JMJD1C: variants seen among roughly 807,000 people sequenced by gnomAD.
JMJD1C encodes jumonji domain-containing protein 1C.
JMJD1C carries 31 observed loss-of-function variants against 245.3 expected under a neutral mutation model. The ratio of observed to expected loss-of-function variants is 0.13; its 90% confidence interval spans 0.09 to 0.17. The LOEUF (loss-of-function observed/expected upper bound fraction) is 0.17, where lower values mean the gene tolerates loss of function less well. JMJD1C is among the 10% of genes least tolerant of loss of function. The pLI is 1.00. For synonymous variants in JMJD1C, 1,057 were observed against 1,017.4 expected (o/e 1.04, Z -0.74); for missense variants, 2,691 against 3,000.2 (o/e 0.90, Z 2.41).
chr10:63,314,867 CA>C, intron 2 of JMJD1C, among the ~76,000 whole-genome samples: 1 of 151,376 alleles, frequency 6.6e-6, no homozygotes. Context: ...AGGCTGGTCT[CA>C]AATGTCTGAC....
At chr10:63,489,097 C>T (rs1025378555) in intron 1 of JMJD1C, among the ~76,000 whole-genome samples, 3 of 152,068 alleles carry the variant, frequency 2.0e-5, no homozygotes, top group African/African-American at 7.2e-5. Context: ...TGTTGCTAGT[C>T]ATTTAAAAAG....
rs190797987 is a variant in JMJD1C, at chr10:63,448,840, G to A, written c.168+16655C>T. 9.2e-5 allele frequency among the ~76,000 whole-genome samples: 14 copies of A among 152,242 alleles called. No homozygotes were observed. In the East Asian group the frequency reaches 9.6e-4, roughly 10 times the overall value. On this transcript the variant is annotated intron_variant, in intron 1 of 25. Transcript: ENST00000399262. ...AGTGTTTAAGATACTTCAGGAGGTC[G>A]GGCGCGGTGGCTCACACCTGTAATC...
At chr10:63,226,585 C>T (rs997451589) in intron 3 of JMJD1C, among the ~76,000 whole-genome samples, 2 of 151,336 alleles carry the variant, frequency 1.3e-5, no homozygotes, top group Non-Finnish European at 2.9e-5. Flanking sequence ...TGGTGGGGTG[C>T]GCACCTGTAG....
intron 23 of JMJD1C, 100 bp downstream of exon 23, chr10:63,177,617 T>G: frequency 3.2e-6 from 4 of 1,246,766 alleles, no homozygotes; most frequent in Non-Finnish European, 4.6e-6. Context: ...GTAAAAATTA[T>G]GTAATGGTCT....
At position 63,217,215 on chromosome 10, in the gene JMJD1C, T is replaced by C. The variant is rs1201168290; in HGVS notation, c.670A>G (p.Asn224Asp). ...DLFTRTMIVM[N>D]DQVLEPQNVD... ...TTAGTGGAACTATTTACCTGATCAT[T>C]CATAACGATCATGGTGCGGGTGAAG... Residue 224 changes from asparagine (N) to aspartate (D), a missense_variant, in exon 5 of 26, where the codon AAT (asparagine) becomes GAT (aspartate). By Grantham distance (23) the Asn-to-Asp change is conservative. This residue lies in a region of JMJD1C where 172 missense variants were observed against 240.8 expected (regional missense o/e 0.71). Coordinates refer to ENST00000399262, the MANE Select transcript of JMJD1C (RefSeq NM_032776.3). The C allele has an allele frequency of 1.9e-6, 3 of 1,608,570 alleles. No individual in the cohort carries two copies. In the African/African-American group the frequency reaches 4.0e-5, roughly 22 times the overall value.
chr10:63,287,986 C>A (rs978060043), intron 2 of JMJD1C, among the ~76,000 whole-genome samples: 3 of 152,104 alleles, frequency 2.0e-5, no homozygotes, highest in East Asian at 1.9e-4. Context: ...ACCTCGTGAT[C>A]CACCAGCCTC....
At chr10:63,179,175 C>T (rs1356973122) in intron 22 of JMJD1C, among the ~76,000 whole-genome samples, 2 of 151,382 alleles carry the variant, frequency 1.3e-5, no homozygotes, top group Non-Finnish European at 2.9e-5. Flanking sequence ...TTTGGGAGGC[C>T]GAGGCAGGCG....
chr10:63,333,860 A>C (rs1942418583), intron 2 of JMJD1C, among the ~76,000 whole-genome samples: 1 of 152,228 alleles, frequency 6.6e-6, no homozygotes. Context: ...TTTCTTAGTT[A>C]AATTTTGAAT....
At chr10:63,295,154 C>G (rs755238880) in intron 2 of JMJD1C, among the ~76,000 whole-genome samples, 28 of 152,032 alleles carry the variant, frequency 1.8e-4, no homozygotes, top group Admixed American at 1.2e-3. Flanking sequence ...GTGGCTTGAT[C>G]ATGGCTCAGT....
intron 3 of JMJD1C, among the ~76,000 whole-genome samples, chr10:63,257,426 A>G (rs1200558155): frequency 6.6e-6 from 1 of 152,114 alleles, no homozygotes; most frequent in South Asian, 2.1e-4. Flanking sequence ...TAAAATAATT[A>G]GGGCTTGATT....
intron 1 of JMJD1C, among the ~76,000 whole-genome samples, chr10:63,415,011 C>G (rs1193593696): frequency 6.6e-6 from 1 of 151,084 alleles, no homozygotes; most frequent in African/African-American, 2.4e-5. Context: ...TAAAAGTGAA[C>G]TGAATTTAAG....
chr10:63,278,676 C>A (rs1214703322), intron 2 of JMJD1C, among the ~76,000 whole-genome samples: 1 of 151,234 alleles, frequency 6.6e-6, no homozygotes, highest in Non-Finnish European at 1.5e-5. Flanking sequence ...CCTGTCTCTA[C>A]TAAAAATACA....
intron 16 of JMJD1C, among the ~76,000 whole-genome samples, chr10:63,191,660 T>C (rs929348674): frequency 6.6e-6 from 1 of 151,736 alleles, no homozygotes; most frequent in African/African-American, 2.4e-5. Context: ...CTGTTACAAA[T>C]GAAAAACACT....
chr10:63,384,808 A>T (rs1401368604), intron 1 of JMJD1C, among the ~76,000 whole-genome samples: 1 of 152,210 alleles, frequency 6.6e-6, no homozygotes, highest in Admixed American at 6.5e-5. Flanking sequence ...ATCAGCAATA[A>T]CAACGTTTCA....
Position 63,197,412 on chromosome 10 carries a change from T to G in JMJD1C, c.5643A>C (p.Arg1881Ser). The G allele has an allele frequency of 6.2e-7, 1 of 1,612,692 alleles. No individual in the cohort carries two copies. Residue 1881 changes from arginine to serine, a missense_variant and splice_region_variant, in exon 13 of 26, where the codon AGA (arginine) becomes AGC (serine). Arg to Ser is a moderately radical substitution (Grantham distance 110, BLOSUM62 -1). This residue lies in a region of JMJD1C where 139 missense variants were observed against 270.5 expected (regional missense o/e 0.51). Coordinates refer to ENST00000399262, the MANE Select transcript of JMJD1C (RefSeq NM_032776.3). ...CYKAKERKSS[R>S]DKELYAWMKC... ...ATTTATATAAACTTATACACCAACC[T>G]CTAGAACTCTTCCTTTCCTTTGCCT... is the stretch of plus-strand genomic sequence containing the variant.
At chr10:63,360,319 C>T (rs191347469) in intron 2 of JMJD1C, among the ~76,000 whole-genome samples, 1 of 152,100 alleles carries the variant, frequency 6.6e-6, no homozygotes, top group African/African-American at 2.4e-5. Context: ...TATAATCATG[C>T]CACTGCATTT....
At chr10:63,390,479 C>T (rs1301143167) in intron 1 of JMJD1C, among the ~76,000 whole-genome samples, 1 of 152,128 alleles carries the variant, frequency 6.6e-6, no homozygotes, top group Non-Finnish European at 1.5e-5. Flanking sequence ...TCTCCTCAAA[C>T]TAGTCCAAAA....
At chr10:63,387,628 A>ATTTTT (rs1564863555) in intron 1 of JMJD1C, among the ~76,000 whole-genome samples, 54 of 18,560 alleles carry the variant, frequency 2.9e-3, no homozygotes, top group African/African-American at 4.0e-3. Context: ...AGAAAAAAAA[A>ATTTTT]ATTTTTTTTT....
chr10:63,269,780 T>C (rs1409427925), intron 2 of JMJD1C, among the ~76,000 whole-genome samples: 2 of 152,222 alleles, frequency 1.3e-5, no homozygotes, highest in Non-Finnish European at 2.9e-5. Context: ...CCTAGATAGT[T>C]CTAAGATACA....
Sources: allele counts gnomAD v4.1 joint callset (sites outside exome capture counted in the v4.1 genomes callset), GRCh38; gene constraint gnomAD v4.1.1; regional missense constraint gnomAD v4.1.1; transcripts MANE v1.5; gene names NCBI Gene and HGNC (gene_info 2026-07-23, HGNC 2026-07-21).